DOCK9: variants seen among roughly 807,000 people sequenced by gnomAD.
DOCK9 encodes the protein dedicator of cytokinesis protein 9.
Under a neutral mutation model 263.3 loss-of-function variants are expected in DOCK9, and 89 were observed. The observed-to-expected ratio is 0.34, with a 90% confidence interval of 0.28 to 0.40. DOCK9 has a LOEUF of 0.40. Among genes scored for constraint, DOCK9 ranks in the 10% least tolerant of loss-of-function variants. The pLI is 1.00. For missense variants in DOCK9, 2,140 were observed against 2,603.4 expected (o/e 0.82, Z 3.87); for synonymous variants, 976 against 973.1 (o/e 1.00, Z -0.06).
At chr13:98,979,123 C>G (rs1389158022), upstream of DOCK9, among the ~76,000 whole-genome samples, 1 of 151,822 alleles carries the variant, frequency 6.6e-6, no homozygotes, top group Non-Finnish European at 1.5e-5. Flanking sequence ...CAGTAGACAA[C>G]AAGCAGCAGC....
intron 38 of DOCK9, among the ~76,000 whole-genome samples, chr13:98,838,451 T>C (rs1209294518): frequency 6.6e-6 from 1 of 152,240 alleles, no homozygotes; most frequent in Non-Finnish European, 1.5e-5. Context: ...GCGCTGTGCA[T>C]AGTATTCTAC....
intron 1 of DOCK9, among the ~76,000 whole-genome samples, chr13:99,064,654 G>C (rs1052667660): frequency 2.0e-5 from 3 of 152,096 alleles, no homozygotes; most frequent in African/African-American, 7.2e-5. Context: ...ATTTTTAAAG[G>C]CTTCTTTCAT....
intron 1 of DOCK9, among the ~76,000 whole-genome samples, chr13:98,997,411 C>A (rs1296753813): frequency 6.6e-6 from 1 of 152,246 alleles, no homozygotes; most frequent in Non-Finnish European, 1.5e-5. Context: ...CTCAGTCCTG[C>A]TGAGCCCCGC....
At chr13:98,853,776 C>A (rs1469252851) in intron 34 of DOCK9, among the ~76,000 whole-genome samples, 1 of 152,186 alleles carries the variant, frequency 6.6e-6, no homozygotes, top group Non-Finnish European at 1.5e-5. Flanking sequence ...ACAGACCTTT[C>A]TCACTGGATA....
At chr13:99,038,288 C>CCGCTTTTTTTTTTTTTTTTTTTTT (rs1888110933) in intron 1 of DOCK9, among the ~76,000 whole-genome samples, 1 of 86,264 alleles carries the variant, frequency 1.2e-5, no homozygotes, top group Non-Finnish European at 2.2e-5. Flanking sequence ...TTATGCCCCC[C>CCGCTTTTTTTTTTTTTTTTTTTTT]TTTTTTTTTT....
intron 39 of DOCK9, among the ~76,000 whole-genome samples, chr13:98,834,170 C>A (rs908463723): frequency 6.6e-6 from 1 of 152,138 alleles, no homozygotes; most frequent in African/African-American, 2.4e-5. Context: ...AAGAGATGAG[C>A]CTTTCAGAAA....
At chr13:98,999,288 G>GCACA (rs1412789503) in intron 1 of DOCK9, among the ~76,000 whole-genome samples, 3 of 137,594 alleles carry the variant, frequency 2.2e-5, no homozygotes, top group African/African-American at 5.7e-5. Context: ...ACGCATGCAC[G>GCACA]CGCACACACA....
intron 45 of DOCK9, among the ~76,000 whole-genome samples, chr13:98,818,797 C>T (rs903452913): frequency 2.6e-5 from 4 of 152,090 alleles, no homozygotes; most frequent in African/African-American, 9.7e-5. Context: ...ATTGAAGGCA[C>T]TGAGCATCTG....
At chr13:98,854,659 T>C (rs1012584856) in intron 34 of DOCK9, 1 of 152,134 alleles carries the variant, frequency 6.6e-6, no homozygotes, top group African/African-American at 2.4e-5. Flanking sequence ...ACCCGGTTTT[T>C]CCTGGCTGAC....
At chr13:98,896,313 T>C (rs188204961) in intron 15 of DOCK9, among the ~76,000 whole-genome samples, 1 of 152,334 alleles carries the variant, frequency 6.6e-6, no homozygotes, top group East Asian at 1.9e-4. Context: ...GATTGGATTC[T>C]GATTAGGAAC....
intron 15 of DOCK9, among the ~76,000 whole-genome samples, chr13:98,890,694 A>G (rs2046486102): frequency 6.6e-6 from 1 of 152,272 alleles, no homozygotes; most frequent in South Asian, 2.1e-4. Flanking sequence ...TTTGGACATG[A>G]CTGCTGACTA....
intron 1 of DOCK9, among the ~76,000 whole-genome samples, chr13:98,977,098 C>T (rs138743549): frequency 1.9e-3 from 283 of 152,246 alleles, no homozygotes; most frequent in Middle Eastern, 6.8e-3. Context: ...GAAGAAATTC[C>T]GAGAGAAGCA....
intron 20 of DOCK9, chr13:98,885,328 G>T (rs1418759951): frequency 1.7e-6 from 1 of 583,988 alleles, no homozygotes; most frequent in Non-Finnish European, 2.9e-6. Flanking sequence ...TGCAGGCTGG[G>T]CATGGTGGCT....
intron 33 of DOCK9, chr13:98,859,431 T>G (rs1467354578): frequency 2.0e-5 from 3 of 152,144 alleles, no homozygotes; most frequent in Non-Finnish European, 2.9e-5. Context: ...AATTTGGGCA[T>G]TGGTGTGGGG....
chr13:98,885,460 C>A, intron 20 of DOCK9: 2 of 544,664 alleles, frequency 3.7e-6, no homozygotes, highest in South Asian at 1.9e-5. Context: ...CAAAAATTAG[C>A]CAGTGGGTGT....
chr13:98,901,182 C>T (rs144341919), intron 13 of DOCK9, among the ~76,000 whole-genome samples: 221 of 152,338 alleles, frequency 1.5e-3, no homozygotes, highest in African/African-American at 5.1e-3. Context: ...ACATCTTGGA[C>T]TAGATGACCT....
intron 23 of DOCK9, among the ~76,000 whole-genome samples, chr13:98,882,535 G>T (rs2044967991): frequency 6.6e-6 from 1 of 152,044 alleles, no homozygotes; most frequent in Non-Finnish European, 1.5e-5. Flanking sequence ...CCACAGCCAC[G>T]TTCTGGATGA....
At chr13:98,934,734 G>C (rs548018715) in intron 2 of DOCK9, among the ~76,000 whole-genome samples, 3 of 152,302 alleles carry the variant, frequency 2.0e-5, no homozygotes, top group African/African-American at 7.2e-5. Context: ...TCAATGCCAC[G>C]AAAGAGGTCA....
At chr13:99,065,723 C>G (rs1472091358) in intron 1 of DOCK9, among the ~76,000 whole-genome samples, 1 of 152,210 alleles carries the variant, frequency 6.6e-6, no homozygotes, top group Non-Finnish European at 1.5e-5. Flanking sequence ...TAACGCTTTA[C>G]TTATAACTCT....
Sources: gnomAD v4.1 joint callset for allele counts (sites outside exome capture counted in the v4.1 genomes callset) on GRCh38, gnomAD v4.1.1 for gene constraint, MANE v1.5 for transcripts, NCBI Gene and HGNC (gene_info 2026-07-23, HGNC 2026-07-21) for gene names.